The following TENM4 variants were observed in gnomAD, a reference collection of about 807,000 sequenced individuals.
The protein encoded by TENM4 is teneurin-4.
In TENM4, 82 loss-of-function variants were observed where a neutral mutation model predicts 243.3. The ratio of observed to expected loss-of-function variants is 0.34; its 90% CI spans 0.28 to 0.40. The LOEUF (loss-of-function observed/expected upper bound fraction) is 0.40. TENM4 is among the 10% of genes least tolerant of loss of function. The probability of loss-of-function intolerance (pLI) is 1.00; values close to 1 mark genes in which losing one functional copy is unlikely to be tolerated. For missense variants in TENM4, 3,138 were observed against 3,673.3 expected, an observed-to-expected ratio of 0.85 and a Z score of 3.77; for synonymous variants, 1,412 against 1,456.3, an observed-to-expected ratio of 0.97 and a Z score of 0.69.
chr11:79,121,034 C>T (rs973204679), intron 4 of TENM4, among the ~76,000 whole-genome samples: 2 of 152,200 alleles, frequency 1.3e-5, no homozygotes, highest in Admixed American at 1.3e-4. Flanking sequence ...TTGCTTTTAA[C>T]TATCTTTGTA....
rs144717995 is a variant in TENM4, at chr11:79,352,520, C to T, written c.-320-54977G>A. Among the ~76,000 whole-genome samples the T allele has an allele frequency of 3.9e-4, 59 of 152,294 alleles. No homozygotes were observed. The East Asian group carries it at 9.3e-3, about 24-fold the overall frequency. ...GACATCGTGGGAACAGAGAGAGCCA[C>T]GGAGCATGACTGCCTGCAGCAAATT... On this transcript the variant is annotated intron_variant, in intron 1 of 33. Coordinates refer to ENST00000278550, the MANE Select transcript of TENM4 (RefSeq NM_001098816.3).
chr11:78,778,459 G>T, intron 17 of TENM4, 143 bp downstream of exon 17: 1 of 876,894 alleles, frequency 1.1e-6, no homozygotes, highest in Non-Finnish European at 1.8e-6. Flanking sequence ...AATGGATGCT[G>T]CGACAAAACT....
intron 3 of TENM4, among the ~76,000 whole-genome samples, chr11:79,172,386 C>A (rs763886259): frequency 5.3e-5 from 8 of 152,308 alleles, no homozygotes; most frequent in Non-Finnish European, 8.8e-5. Context: ...TTCACTTATC[C>A]ATTTATTCAA....
rs75774256 is a variant in TENM4, at chr11:78,927,625, C to T, written c.494-24102G>A. Among the ~76,000 whole-genome samples, 38 of 152,278 alleles carry T rather than the reference C, an allele frequency of 2.5e-4. No individual in the cohort carries two copies. The East Asian group carries it at 5.4e-3, about 22-fold the overall frequency. ...GCGTCAGGCTGGCTCCATCTCAAAGCGCTTATTCAACCCAGACACACATGA... is the reference window on the plus strand; with the variant it reads ...GCGTCAGGCTGGCTCCATCTCAAAGTGCTTATTCAACCCAGACACACATGA... On this transcript the variant is annotated intron_variant, in intron 6 of 33. Transcript: ENST00000278550.
chr11:79,186,566 A>C (rs1863384008), intron 3 of TENM4, among the ~76,000 whole-genome samples: 2 of 152,240 alleles, frequency 1.3e-5, no homozygotes, highest in African/African-American at 4.8e-5. Context: ...GCCTAATGGC[A>C]GTAACCCAGA....
chr11:79,043,898 C>T (rs1463306207), intron 6 of TENM4, among the ~76,000 whole-genome samples: 1 of 152,172 alleles, frequency 6.6e-6, no homozygotes, highest in Non-Finnish European at 1.5e-5. Context: ...TGTACTGATG[C>T]CAACCCAAAC....
intron 1 of TENM4, among the ~76,000 whole-genome samples, chr11:79,315,489 C>G (rs4945338): frequency 0.28 from 41,908 of 152,108 alleles, 6,119 homozygotes; most frequent in African/African-American, 0.35. Context: ...TGTTTGGCTG[C>G]GGATAGGGGA....
chr11:78,835,205 C>A (rs945600286), intron 12 of TENM4, among the ~76,000 whole-genome samples: 29 of 152,114 alleles, frequency 1.9e-4, no homozygotes. Flanking sequence ...TCTTTTCCCT[C>A]AGCTTTAAAA....
At chr11:78,910,667 A>G (rs1169221319) in intron 6 of TENM4, among the ~76,000 whole-genome samples, 1 of 152,220 alleles carries the variant, frequency 6.6e-6, no homozygotes, top group Non-Finnish European at 1.5e-5. Context: ...AGAGAAAACA[A>G]TCAGTATTAT....
intron 16 of TENM4, among the ~76,000 whole-genome samples, chr11:78,784,468 G>A (rs557390361): frequency 1.2e-4 from 18 of 152,170 alleles, no homozygotes; most frequent in Non-Finnish European, 2.4e-4. Flanking sequence ...GACCCACAGA[G>A]AGAAGGTTAC....
At chr11:79,112,477 G>T (rs1412916114) in intron 4 of TENM4, among the ~76,000 whole-genome samples, 1 of 152,122 alleles carries the variant, frequency 6.6e-6, no homozygotes, top group Non-Finnish European at 1.5e-5. Context: ...TTATGGGAAG[G>T]GGGCTGGGGT....
intron 12 of TENM4, among the ~76,000 whole-genome samples, chr11:78,847,918 G>A (rs180866766): frequency 6.6e-6 from 1 of 152,294 alleles, no homozygotes; most frequent in African/African-American, 2.4e-5. Context: ...AATGCACTCA[G>A]AGGCAAATAC....
chr11:78,869,635 G>A (rs1020928372), intron 9 of TENM4, among the ~76,000 whole-genome samples: 4 of 152,086 alleles, frequency 2.6e-5, no homozygotes, highest in African/African-American at 9.7e-5. Flanking sequence ...TTTGACAAAT[G>A]AAGAAACTGG....
At chr11:79,302,943 T>A (rs990884318) in intron 1 of TENM4, among the ~76,000 whole-genome samples, 1 of 151,890 alleles carries the variant, frequency 6.6e-6, no homozygotes, top group Non-Finnish European at 1.5e-5. Context: ...GTTCAAGGAG[T>A]AGAAGGAGGT....
At chr11:79,171,677 A>G (rs1428283830) in intron 3 of TENM4, among the ~76,000 whole-genome samples, 7 of 152,216 alleles carry the variant, frequency 4.6e-5, no homozygotes, top group Admixed American at 3.3e-4. Flanking sequence ...GATTGGTTGA[A>G]TAAATGGATA....
intron 6 of TENM4, among the ~76,000 whole-genome samples, chr11:78,916,937 C>T (rs566443869): frequency 6.6e-6 from 1 of 152,302 alleles, no homozygotes; most frequent in Middle Eastern, 3.4e-3. Flanking sequence ...ATTGCTCTTT[C>T]TACTTTTGAT....
Position 78,903,487 on chromosome 11 carries a change from C to T in TENM4, c.530G>A (p.Arg177Gln), listed in dbSNP as rs920753338. 6.5e-7 allele frequency: 1 copy of T among 1,547,232 alleles called. No individual in the cohort carries two copies. Among genetic ancestry groups the T allele is most frequent in the South Asian group, 1.2e-5 (1 of 83,934 alleles). The change falls in exon 7 of 34, where the codon CGG becomes CAG. Residue 177 changes from arginine (R) to glutamine (Q), a missense_variant. This residue lies in a region of TENM4 where 671 missense variants were observed against 614.1 expected (regional missense o/e 1.09). Transcript: ENST00000278550. ...GTGCGAGAGCGGCGGCGGCGGCGTC[C>T]GGAGCCGCGCGTGGTTCTGCAGGCC... ...PGGLQNHARL[R>Q]TPPPPLSHAH...
chr11:79,146,017 T>C (rs893988568), intron 4 of TENM4, among the ~76,000 whole-genome samples: 1 of 152,098 alleles, frequency 6.6e-6, no homozygotes, highest in African/African-American at 2.4e-5. Flanking sequence ...ACCATATATA[T>C]TTGGATATGA....
chr11:78,671,019 G>A (rs1320345078), intron 31 of TENM4, among the ~76,000 whole-genome samples: 3 of 152,222 alleles, frequency 2.0e-5, no homozygotes, highest in African/African-American at 7.2e-5. Flanking sequence ...TCAGGCAAGA[G>A]TGAGCTCCTC....
Sources: allele counts gnomAD v4.1 joint callset (sites outside exome capture counted in the v4.1 genomes callset), GRCh38; gene constraint gnomAD v4.1.1; regional missense constraint gnomAD v4.1.1; transcripts MANE v1.5; gene names NCBI Gene and HGNC (gene_info 2026-07-23, HGNC 2026-07-21).